The following SNX3 variants were observed in gnomAD, a reference collection of about 807,000 sequenced individuals.
The protein encoded by SNX3 is sorting nexin 3, also known as sorting nexin-3.
A neutral mutation model predicts 17.7 loss-of-function variants in SNX3; 5 were observed. The observed-to-expected ratio is 0.28, with a 90% CI of 0.15 to 0.59. SNX3 has a LOEUF of 0.59. Ranked by LOEUF, SNX3 falls within the 20% of genes least tolerant of loss-of-function variation. SNX3 has a pLI of 0.88. For synonymous variants in SNX3, 91 were observed against 76.5 expected, an observed-to-expected ratio of 1.19 and a Z score of -0.99; for missense variants, 132 against 206.8, an observed-to-expected ratio of 0.64 and a Z score of 2.22.
chr6:108,244,649 T>TG (rs1418065119), intron 1 of SNX3, among the ~76,000 whole-genome samples: 4 of 119,530 alleles, frequency 3.3e-5, no homozygotes, highest in African/African-American at 1.8e-4. Context: ...AGTAAGGAGT[T>TG]TTTTTTTTTT....
intron 3 of SNX3, among the ~76,000 whole-genome samples, chr6:108,212,882 C>CTTT (rs776376957): frequency 5.6e-4 from 66 of 118,908 alleles, no homozygotes; most frequent in African/African-American, 7.1e-4. Flanking sequence ...TCCTAAGAAT[C>CTTT]TTTTTTTTTT....
At chr6:108,223,957 GA>G (rs1042287975) in intron 1 of SNX3, among the ~76,000 whole-genome samples, 12 of 152,210 alleles carry the variant, frequency 7.9e-5, no homozygotes, top group Admixed American at 5.2e-4. Flanking sequence ...AAGCAGGGGT[GA>G]AAAAAGGCTA....
rs1026932202 is a variant in SNX3 at position 108,212,019 on chromosome 6, T to C, written c.*130A>G. The C allele has an allele frequency of 2.0e-5, 11 of 561,586 alleles. No individual in the cohort carries two copies. Among genetic ancestry groups the C allele is most frequent in the African/African-American group, 9.8e-5 (5 of 51,056 alleles). 34.8% of individuals were successfully genotyped at this position (561,586 alleles called of 1,614,324 possible). A position where few individuals can be genotyped will look rare whatever the true frequency, so the allele number is the denominator to read the frequency against. ...GTCAACTGCCAAAACAAAACAAAAC[T>C]GAGCATATGAGTGTTAGTATACTGA... On this transcript the variant is annotated 3_prime_UTR_variant, in exon 4 of 4. Transcript: ENST00000230085.
chr6:108,215,307 G>A (rs1381922562), intron 2 of SNX3, among the ~76,000 whole-genome samples: 2 of 149,428 alleles, frequency 1.3e-5, no homozygotes, highest in African/African-American at 2.5e-5. Flanking sequence ...TGGAGATCAC[G>A]CCACTGCACT....
intron 1 of SNX3, among the ~76,000 whole-genome samples, chr6:108,245,355 CATT>C (rs1384906158): frequency 1.3e-5 from 2 of 152,130 alleles, no homozygotes; most frequent in African/African-American, 2.4e-5. Flanking sequence ...TCCAGTCTAT[CATT>C]GATAGGCATT....
At chr6:108,260,716 G>T in intron 1 of SNX3, 44 bp downstream of exon 1, 1 of 1,610,742 alleles carries the variant, frequency 6.2e-7, no homozygotes, top group Non-Finnish European at 8.5e-7. Context: ...GGTGACCAGA[G>T]CCAGCGGGAG....
chr6:108,243,337 C>T lies in SNX3; in HGVS notation c.162+17423G>A, dbSNP rs531423053. On this transcript the variant is annotated intron_variant, in intron 1 of 3. Coordinates refer to ENST00000230085, the MANE Select transcript of SNX3 (RefSeq NM_003795.6). ...AGCAATAAAAAACTAATACATCTAA[C>T]AAGACTATCCTTCAAAAATAAAAAT... Among the ~76,000 whole-genome samples the T allele has an allele frequency of 2.0e-5, 3 of 152,192 alleles. No individual in the cohort carries two copies. The East Asian group carries it at 5.8e-4, about 29-fold the overall frequency.
chr6:108,214,380 G>T, intron 3 of SNX3, 118 bp downstream of exon 3: 3 of 917,398 alleles, frequency 3.3e-6, no homozygotes, highest in East Asian at 2.7e-5. Flanking sequence ...TTGTTTAAAT[G>T]ATATGAAAAG....
At chr6:108,237,412 T>C (rs1775383279) in intron 1 of SNX3, among the ~76,000 whole-genome samples, 1 of 152,142 alleles carries the variant, frequency 6.6e-6, no homozygotes, top group Non-Finnish European at 1.5e-5. Context: ...TATCTATAAA[T>C]ATTGATTATG....
intron 3 of SNX3, among the ~76,000 whole-genome samples, chr6:108,213,296 T>C (rs993784888): frequency 6.6e-5 from 10 of 152,192 alleles, no homozygotes; most frequent in African/African-American, 2.2e-4. Context: ...CCAGGTATTT[T>C]GTTTGTTTTT....
At chr6:108,231,835 T>C (rs980811103) in intron 1 of SNX3, among the ~76,000 whole-genome samples, 5 of 152,204 alleles carry the variant, frequency 3.3e-5, no homozygotes, top group African/African-American at 7.2e-5. Context: ...TTAGGAGAGA[T>C]TGCTTTACTG....
At chr6:108,258,661 G>A (rs918620954) in intron 1 of SNX3, among the ~76,000 whole-genome samples, 5 of 151,652 alleles carry the variant, frequency 3.3e-5, no homozygotes, top group African/African-American at 9.7e-5. Context: ...AGGGATGCGC[G>A]CCACCACGCC....
intron 1 of SNX3, among the ~76,000 whole-genome samples, chr6:108,234,255 A>ATG (rs59669879): frequency 6.6e-6 from 1 of 151,470 alleles, no homozygotes; most frequent in East Asian, 1.9e-4. Flanking sequence ...ATATATATAT[A>ATG]ACATATACAT....
chr6:108,224,966 T>A (rs948268481), intron 1 of SNX3, among the ~76,000 whole-genome samples: 1 of 152,194 alleles, frequency 6.6e-6, no homozygotes. Flanking sequence ...ATTTCTATTA[T>A]CTTTTACTGG....
intron 1 of SNX3, among the ~76,000 whole-genome samples, chr6:108,226,326 G>A (rs1234676959): frequency 2.0e-5 from 3 of 152,022 alleles, no homozygotes; most frequent in African/African-American, 7.3e-5. Context: ...CATCTGTATT[G>A]GACTCCCAAA....
At chr6:108,231,018 T>C (rs1775130024) in intron 1 of SNX3, among the ~76,000 whole-genome samples, 1 of 151,474 alleles carries the variant, frequency 6.6e-6, no homozygotes, top group Non-Finnish European at 1.5e-5. Context: ...AAAAAGAGGG[T>C]CTCCCTGTGT....
rs1354126534 is a variant in SNX3 at position 108,256,826 on chromosome 6, CCTA to C, written c.162+3931_162+3933del. On this transcript the variant is annotated intron_variant, in intron 1 of 3. Coordinates refer to ENST00000230085, the MANE Select transcript of SNX3 (RefSeq NM_003795.6). Reference sequence around the variant, plus strand: ...TAAATAATTCCAGACCTTGAACTTTCCTAAACCTTTAATCATTTATGGTGCTCT... The same window carrying C: ...TAAATAATTCCAGACCTTGAACTTTCAACCTTTAATCATTTATGGTGCTCT... Among the ~76,000 whole-genome samples the C allele has an allele frequency of 2.6e-5, 4 of 152,324 alleles. No individual in the cohort carries two copies. The East Asian group carries it at 7.7e-4, about 29-fold the overall frequency.
Position 108,260,999 on chromosome 6 carries a change from C to T in SNX3, c.-78G>A, listed in dbSNP as rs563123307. 58 of 1,339,392 alleles carry T rather than the reference C, an allele frequency of 4.3e-5. 1 individual carries two copies. In the South Asian group the frequency reaches 8.1e-4, roughly 19 times the overall value. The allele number at this position is 1,339,392 out of a possible 1,614,324, so 83.0% of individuals were successfully genotyped here. On this transcript the variant is annotated 5_prime_UTR_variant, in exon 1 of 4. Transcript: ENST00000230085. The stretch of plus-strand genomic sequence containing the variant: ...AGCCGCCGCCGCCGCCGCTGCTGCC[C>T]GCCGTGGGGACACGGGGCTCGCGCG...
intron 2 of SNX3, among the ~76,000 whole-genome samples, chr6:108,221,736 G>A (rs1774780740): frequency 6.6e-6 from 1 of 151,314 alleles, no homozygotes; most frequent in South Asian, 2.1e-4. Flanking sequence ...TGTAGCGATG[G>A]GGTTTCGCAT....
Sources: gnomAD v4.1 joint callset for allele counts (sites outside exome capture counted in the v4.1 genomes callset) on GRCh38, gnomAD v4.1.1 for gene constraint, MANE v1.5 for transcripts, NCBI Gene and HGNC (gene_info 2026-07-23, HGNC 2026-07-21) for gene names.